The following TENM2 variants were observed in gnomAD, a reference collection of about 807,000 sequenced individuals.
TENM2 encodes teneurin transmembrane protein 2.
A neutral mutation model predicts 245.2 loss-of-function variants in TENM2; 52 were observed. The ratio of observed to expected loss-of-function variants is 0.21; its 90% CI spans 0.17 to 0.27. The LOEUF is 0.27. Among genes scored for constraint, TENM2 ranks in the 10% least tolerant of loss-of-function variants. TENM2 has a pLI of 1.00. For synonymous variants in TENM2, 1,363 were observed against 1,438.9 expected (o/e 0.95, Z 1.19); for missense variants, 3,046 against 3,666.8 (o/e 0.83, Z 4.37).
At chr5:167,572,336 T>C (rs1774322853) in intron 2 of TENM2, among the ~76,000 whole-genome samples, 1 of 152,182 alleles carries the variant, frequency 6.6e-6, no homozygotes, top group Admixed American at 6.5e-5. Context: ...ATGCCTAGGG[T>C]CCGGGGATAT....
At chr5:167,369,157 A>C (rs946207387) in intron 1 of TENM2, among the ~76,000 whole-genome samples, 1 of 152,194 alleles carries the variant, frequency 6.6e-6, no homozygotes, top group African/African-American at 2.4e-5. Flanking sequence ...AATAAACCCC[A>C]GGGAACTCAC....
intron 6 of TENM2, among the ~76,000 whole-genome samples, chr5:168,060,328 C>T (rs971948349): frequency 1.3e-5 from 2 of 152,064 alleles, no homozygotes; most frequent in African/African-American, 2.4e-5. Context: ...GCAGGAGGAT[C>T]ACTTGAGCCC....
chr5:167,537,614 C>G (rs1771934519), intron 2 of TENM2, among the ~76,000 whole-genome samples: 2 of 152,216 alleles, frequency 1.3e-5, no homozygotes, highest in African/African-American at 4.8e-5. Flanking sequence ...AGACCTTCAA[C>G]AAAAGTCATG....
chr5:167,816,582 A>G (rs1767074725), intron 2 of TENM2, among the ~76,000 whole-genome samples: 1 of 152,176 alleles, frequency 6.6e-6, no homozygotes, highest in Non-Finnish European at 1.5e-5. Context: ...GGAAGGAGTG[A>G]TAGTTTCTCA....
the TENM2 span, among the ~76,000 whole-genome samples, chr5:167,153,147 G>A: frequency 6.6e-5 from 10 of 151,350 alleles, no homozygotes; most frequent in Non-Finnish European, 1.5e-4. Context: ...CCCCTGAACA[G>A]TGCAGGGGTT....
At chr5:168,254,739 G>C (rs1446545788) in intron 27 of TENM2, among the ~76,000 whole-genome samples, 1 of 152,084 alleles carries the variant, frequency 6.6e-6, no homozygotes, top group Admixed American at 6.6e-5. Flanking sequence ...CCAATGAGGA[G>C]AGTCTTCTAA....
intron 1 of TENM2, among the ~76,000 whole-genome samples, chr5:167,291,485 T>C (rs1393391398): frequency 1.3e-5 from 2 of 152,238 alleles, no homozygotes; most frequent in African/African-American, 4.8e-5. Context: ...ACCCCCACTC[T>C]CACATTTTCT....
At chr5:167,779,682 G>T (rs551573242) in intron 2 of TENM2, among the ~76,000 whole-genome samples, 1 of 152,222 alleles carries the variant, frequency 6.6e-6, no homozygotes, top group Non-Finnish European at 1.5e-5. Context: ...ATATGTATCA[G>T]TCAGTGGCTC....
intron 5 of TENM2, among the ~76,000 whole-genome samples, chr5:168,001,728 A>G (rs571732014): frequency 1.7e-4 from 26 of 152,360 alleles, no homozygotes; most frequent in African/African-American, 6.0e-4. Flanking sequence ...TAGAAAATTC[A>G]TGTTTTGATT....
chr5:167,045,829 C>A, the TENM2 span, among the ~76,000 whole-genome samples: 1 of 152,194 alleles, frequency 6.6e-6, no homozygotes, highest in African/African-American at 2.4e-5. Flanking sequence ...TTCACTCAGA[C>A]ACTGAGCTCT....
At chr5:167,860,221 CGTCCGGG>C (rs1771629994) in intron 2 of TENM2, among the ~76,000 whole-genome samples, 1 of 134,736 alleles carries the variant, frequency 7.4e-6, no homozygotes, top group African/African-American at 2.7e-5. Context: ...CCAGCCGCCC[CGTCCGGG>C]AGGGAGGTGG....
chr5:167,181,706 A>C, the TENM2 span, among the ~76,000 whole-genome samples: 2 of 152,300 alleles, frequency 1.3e-5, no homozygotes, highest in South Asian at 4.1e-4. Flanking sequence ...TTACATGGCC[A>C]ATTCTGTATG....
chr5:167,157,243 T>G, the TENM2 span, among the ~76,000 whole-genome samples: 1 of 152,156 alleles, frequency 6.6e-6, no homozygotes, highest in East Asian at 1.9e-4. Context: ...CCCTCCTTGA[T>G]GAAGATGAAA....
intron 12 of TENM2, among the ~76,000 whole-genome samples, chr5:168,149,122 C>T (rs1422534023): frequency 2.0e-5 from 3 of 152,038 alleles, no homozygotes; most frequent in Non-Finnish European, 2.9e-5. Flanking sequence ...GGTCTGGAGT[C>T]GCTGTGTTAA....
the TENM2 span, among the ~76,000 whole-genome samples, chr5:167,243,799 G>C: frequency 1.3e-5 from 2 of 151,996 alleles, no homozygotes; most frequent in Non-Finnish European, 2.9e-5. Flanking sequence ...TATCTGCATT[G>C]ATATCCAATT....
intron 3 of TENM2, among the ~76,000 whole-genome samples, chr5:167,921,798 G>T (rs747670784): frequency 2.6e-5 from 4 of 152,136 alleles, no homozygotes; most frequent in Admixed American, 6.5e-5. Context: ...AACAGACATT[G>T]TACAAAGATT....
chr5:167,300,570 G>A (rs1755248565), intron 1 of TENM2, among the ~76,000 whole-genome samples: 1 of 152,164 alleles, frequency 6.6e-6, no homozygotes, highest in South Asian at 2.1e-4. Flanking sequence ...GCTTTAAAAA[G>A]CCATGATGTA....
At chr5:168,204,612 T>C (rs1725825322) in exon 19 of TENM2, 1 of 1,613,700 alleles carries the variant, frequency 6.2e-7, no homozygotes, top group Non-Finnish European at 8.5e-7. Flanking sequence ...ACCAGCATCT[T>C]GGAGTTACGG....
intron 4 of TENM2, among the ~76,000 whole-genome samples, chr5:167,984,485 G>A (rs896030635): frequency 4.6e-5 from 7 of 152,018 alleles, no homozygotes; most frequent in East Asian, 3.9e-4. Context: ...GTGAAACCCC[G>A]TCTCTACTAA....
Sources: gnomAD v4.1 joint callset for allele counts (sites outside exome capture counted in the v4.1 genomes callset) on GRCh38, gnomAD v4.1.1 for gene constraint, MANE v1.5 for transcripts, NCBI Gene and HGNC (gene_info 2026-07-23, HGNC 2026-07-21) for gene names.